Variants in LAMA2 observed in about 807,000 individuals in gnomAD.
The protein encoded by LAMA2 is laminin subunit alpha 2.
LAMA2 carries 269 observed loss-of-function variants against 364.8 expected under a neutral mutation model. That is an observed-to-expected ratio of 0.74 (90% CI 0.67 to 0.82). The LOEUF (loss-of-function observed/expected upper bound fraction) is 0.82, where lower values mean the gene tolerates loss of function less well. Among genes scored for constraint, LAMA2 ranks in the 40% least tolerant of loss-of-function variants. LAMA2 has a pLI of 0.00. For synonymous variants in LAMA2, 1,379 were observed against 1,370.6 expected (o/e 1.01, Z -0.14); for missense variants, 3,807 against 3,873.2 (o/e 0.98, Z 0.45).
intron 1 of LAMA2, among the ~76,000 whole-genome samples, chr6:128,966,433 C>G (rs1390097877): frequency 6.6e-6 from 1 of 151,990 alleles, no homozygotes; most frequent in East Asian, 1.9e-4. Flanking sequence ...TGTTCTGTTG[C>G]TCTTGGTTTA....
intron 1 of LAMA2, among the ~76,000 whole-genome samples, chr6:129,032,393 C>A (rs529659484): frequency 9.9e-5 from 15 of 152,152 alleles, no homozygotes; most frequent in African/African-American, 3.6e-4. Flanking sequence ...GGAAATAAGA[C>A]AAGGAAGAAA....
At chr6:129,298,455 A>G (rs1236331846) in intron 21 of LAMA2, among the ~76,000 whole-genome samples, 2 of 152,224 alleles carry the variant, frequency 1.3e-5, no homozygotes, top group African/African-American at 4.8e-5. Context: ...TTATACATCC[A>G]GCCACAGCCT....
chr6:129,373,802 A>T (rs1778221531), intron 34 of LAMA2, among the ~76,000 whole-genome samples: 1 of 152,200 alleles, frequency 6.6e-6, no homozygotes, highest in Admixed American at 6.5e-5. Context: ...AAAACTTCAG[A>T]GGTAAAGTAC....
intron 2 of LAMA2, among the ~76,000 whole-genome samples, chr6:129,053,199 C>A (rs972299785): frequency 2.0e-5 from 3 of 152,130 alleles, no homozygotes; most frequent in Non-Finnish European, 4.4e-5. Context: ...CTGCCTCAGC[C>A]TCCTGAGAGG....
chr6:128,985,794 A>C (rs1783196630), intron 1 of LAMA2, among the ~76,000 whole-genome samples: 1 of 152,182 alleles, frequency 6.6e-6, no homozygotes, highest in Non-Finnish European at 1.5e-5. Flanking sequence ...TGCATATCTA[A>C]AAGTTAGAAT....
chr6:129,512,598 T>G (rs931623337), intron 63 of LAMA2, 105 bp downstream of exon 63: 1 of 1,282,340 alleles, frequency 7.8e-7, no homozygotes, highest in Non-Finnish European at 1.1e-6. Context: ...CCGGCTGTAT[T>G]CTTTGTTGGG....
chr6:129,311,675 A>G (rs1287441522), intron 22 of LAMA2, among the ~76,000 whole-genome samples: 2 of 152,220 alleles, frequency 1.3e-5, no homozygotes, highest in African/African-American at 4.8e-5. Flanking sequence ...TTCACTTGGC[A>G]TTTTTATTAA....
At chr6:128,987,956 C>A (rs140985319) in intron 1 of LAMA2, among the ~76,000 whole-genome samples, 1 of 152,166 alleles carries the variant, frequency 6.6e-6, no homozygotes. Flanking sequence ...CTCACTGCAA[C>A]CTCTGCCTGC....
At chr6:128,961,004 TGTC>T (rs1781454571) in intron 1 of LAMA2, among the ~76,000 whole-genome samples, 1 of 151,998 alleles carries the variant, frequency 6.6e-6, no homozygotes, top group Non-Finnish European at 1.5e-5. Flanking sequence ...AATCTCTGTA[TGTC>T]ACGAAAGCAT....
At chr6:129,148,043 C>A (rs1368082988) in intron 6 of LAMA2, among the ~76,000 whole-genome samples, 1 of 152,024 alleles carries the variant, frequency 6.6e-6, no homozygotes, top group African/African-American at 2.4e-5. Flanking sequence ...ATCACCTAGG[C>A]ATAATTTTCC....
chr6:129,349,736 A>G (rs1425634746), intron 31 of LAMA2, among the ~76,000 whole-genome samples: 1 of 151,908 alleles, frequency 6.6e-6, no homozygotes, highest in Non-Finnish European at 1.5e-5. Context: ...AACTGGCTAC[A>G]CTTTTCTTAT....
At chr6:129,137,125 A>G (rs1180109896) in intron 4 of LAMA2, among the ~76,000 whole-genome samples, 2 of 152,176 alleles carry the variant, frequency 1.3e-5, no homozygotes, top group Non-Finnish European at 1.5e-5. Context: ...TGGAAGAGGT[A>G]AGTTAAAGAA....
rs752128135 is a variant in LAMA2 at position 129,486,536 on chromosome 6, A to G, written c.7812A>G (p.Arg2604=). Residue 2604 remains arginine, a synonymous_variant, in exon 56 of 65, where the codon CGA becomes CGG. Transcript: ENST00000421865. The stretch of plus-strand genomic sequence containing the variant: ...AAGTGCATCTCTCCACAGGGGCACG[A>G]ACAATGAGGAAAATTGTGATCAGAC... ...RLEVHLSTGA[R]TMRKIVIRPE... The G allele has an allele frequency of 6.2e-7, 1 of 1,614,040 alleles. No homozygotes were observed. Among genetic ancestry groups the G allele is most frequent in the Non-Finnish European group, 8.5e-7 (1 of 1,179,932 alleles).
chr6:129,236,167 A>G (rs945871210), intron 12 of LAMA2, among the ~76,000 whole-genome samples: 6 of 152,104 alleles, frequency 3.9e-5, no homozygotes, highest in African/African-American at 1.2e-4. Context: ...AAAATACTGT[A>G]ACACAGTAAA....
rs946329171 is a variant in LAMA2, at chr6:129,432,264, T to TA, written c.5968+4417dup. Among the ~76,000 whole-genome samples the TA allele has an allele frequency of 3.3e-5, 5 of 151,974 alleles. 1 individual carries two copies. Among genetic ancestry groups the TA allele is most frequent in the Admixed American group, 6.6e-5 (1 of 15,260 alleles). ...TCCTTTAGAGTGTGAATGGTGGAAA[T>TA]AAAAAAATAAAACCAGGGTGGACTT... On this transcript the variant is annotated intron_variant, in intron 41 of 64. Transcript: ENST00000421865.
At chr6:129,388,165 T>C (rs1181261342) in intron 35 of LAMA2, among the ~76,000 whole-genome samples, 4 of 150,770 alleles carry the variant, frequency 2.7e-5, no homozygotes, top group Admixed American at 2.6e-4. Context: ...GCTGAGACAG[T>C]AGAATCGCTT....
At chr6:129,287,821 C>A (rs769135111) in intron 18 of LAMA2, 26 bp from the exon 19 acceptor site, 6 of 1,586,714 alleles carry the variant, frequency 3.8e-6, no homozygotes, top group Admixed American at 3.3e-5. Context: ...CCCCCAAAGG[C>A]TCACTGATGA....
At chr6:129,431,926 A>G (rs891787671) in intron 41 of LAMA2, among the ~76,000 whole-genome samples, 1 of 152,222 alleles carries the variant, frequency 6.6e-6, no homozygotes, top group Non-Finnish European at 1.5e-5. Context: ...ATTATTTTAT[A>G]TTTTAAAAAT....
chr6:129,242,670 A>T (rs1785473026), intron 12 of LAMA2, among the ~76,000 whole-genome samples: 1 of 152,152 alleles, frequency 6.6e-6, no homozygotes, highest in African/African-American at 2.4e-5. Flanking sequence ...AAAAGTGCTA[A>T]TGGAATGTTT....
Sources: gnomAD v4.1 joint callset for allele counts (sites outside exome capture counted in the v4.1 genomes callset) on GRCh38, gnomAD v4.1.1 for gene constraint, MANE v1.5 for transcripts, NCBI Gene and HGNC (gene_info 2026-07-23, HGNC 2026-07-21) for gene names.